FRMPD4: variants seen among roughly 807,000 people sequenced by gnomAD.
FRMPD4 encodes FERM and PDZ domain-containing protein 4.
Under a neutral mutation model 94.1 loss-of-function variants are expected in FRMPD4, and 22 were observed. The observed-to-expected ratio is 0.23, with a 90% confidence interval of 0.17 to 0.33. The LOEUF (loss-of-function observed/expected upper bound fraction) is 0.33, where lower values mean the gene tolerates loss of function less well. FRMPD4 is among the 10% of genes least tolerant of loss of function. The pLI, the probability that FRMPD4 is intolerant of heterozygous loss-of-function variation, is 1.00. For synonymous variants in FRMPD4, 631 were observed against 548.6 expected (o/e 1.15, Z -2.10); for missense variants, 1,111 against 1,339.9 (o/e 0.83, Z 2.67).
At chrX:12,285,279 G>A (rs1040743717) in intron 1 of FRMPD4, among the ~76,000 whole-genome samples, 1 of 111,750 alleles carries the variant, frequency 8.9e-6, no homozygotes, top group Non-Finnish European at 1.9e-5. Flanking sequence ...AACACCCATG[G>A]TTCCATCCTG....
intron 1 of FRMPD4, among the ~76,000 whole-genome samples, chrX:12,452,241 A>G (rs2057281252): frequency 8.9e-6 from 1 of 112,211 alleles, no homozygotes; most frequent in African/African-American, 3.2e-5. Context: ...TCATTCTCAA[A>G]TAGTAATGAT....
At chrX:12,019,622 C>A (rs1213426837) in intron 3 of FRMPD4, among the ~76,000 whole-genome samples, 1 of 110,436 alleles carries the variant, frequency 9.1e-6, no homozygotes, top group African/African-American at 3.3e-5. Context: ...TGGGTGAGAA[C>A]TCAACTGGAC....
rs1303299530 is a variant in FRMPD4, at chrX:12,189,207, C to A, written c.41+50195C>A. Reference sequence around the variant, plus strand: ...CAACAATTCCTTGAAACACAATCTGCCAAAACTCATACAAGAAAAAATAGA... The same window carrying A: ...CAACAATTCCTTGAAACACAATCTGACAAAACTCATACAAGAAAAAATAGA... On this transcript the variant is annotated intron_variant, in intron 1 of 16. Transcript: ENST00000675598. Among the ~76,000 whole-genome samples, 5 of 111,469 alleles carry A rather than the reference C, an allele frequency of 4.5e-5. No individual in the cohort carries two copies. In the South Asian group the frequency reaches 1.1e-3, roughly 25 times the overall value.
At chrX:12,339,896 T>G (rs1299423515) in intron 1 of FRMPD4, among the ~76,000 whole-genome samples, 1 of 112,544 alleles carries the variant, frequency 8.9e-6, no homozygotes, top group Admixed American at 9.3e-5. Flanking sequence ...ATTACAGGCG[T>G]AAGCCACTGC....
chrX:12,180,109 A>G (rs1487299144), intron 1 of FRMPD4, among the ~76,000 whole-genome samples: 1 of 111,335 alleles, frequency 9.0e-6, no homozygotes, highest in East Asian at 2.8e-4. Context: ...AGACTTCACT[A>G]TTCCTTAGTG....
At chrX:12,622,019 G>GA (rs1480326716) in intron 4 of FRMPD4, among the ~76,000 whole-genome samples, 80 of 22,509 alleles carry the variant, frequency 3.6e-3, no homozygotes, top group Middle Eastern at 0.016. Context: ...AGAAAGAAAG[G>GA]AAGGAAGGAA....
At chrX:11,977,230 A>T (rs1472906819) in intron 3 of FRMPD4, among the ~76,000 whole-genome samples, 1 of 112,139 alleles carries the variant, frequency 8.9e-6, no homozygotes, top group Non-Finnish European at 1.9e-5. Context: ...AATTATTCTG[A>T]TGTAGTCATT....
intron 7 of FRMPD4, among the ~76,000 whole-genome samples, chrX:12,689,373 T>C (rs2060059710): frequency 8.9e-6 from 1 of 111,852 alleles, no homozygotes; most frequent in African/African-American, 3.3e-5. Context: ...CCTCACTCTG[T>C]GCCAAACAAT....
chrX:12,412,354 C>T (rs193145180), intron 1 of FRMPD4, among the ~76,000 whole-genome samples: 2 of 112,049 alleles, frequency 1.8e-5, no homozygotes, highest in African/African-American at 6.5e-5. Context: ...CTTCTGTGGC[C>T]TCAATAAGTG....
intron 3 of FRMPD4, among the ~76,000 whole-genome samples, chrX:12,020,678 A>G (rs1011906882): frequency 1.8e-5 from 2 of 112,072 alleles, no homozygotes; most frequent in African/African-American, 6.5e-5. Flanking sequence ...GGAAAAGGAA[A>G]TTGCACGAGA....
At chrX:11,980,421 T>G (rs2054391225) in intron 3 of FRMPD4, among the ~76,000 whole-genome samples, 1 of 111,519 alleles carries the variant, frequency 9.0e-6, no homozygotes, top group Admixed American at 9.5e-5. Flanking sequence ...TTTGATCCAT[T>G]TTTGGTTTGT....
chrX:12,521,464 A>C (rs1283180711), intron 2 of FRMPD4, among the ~76,000 whole-genome samples: 1 of 112,118 alleles, frequency 8.9e-6, no homozygotes, highest in Non-Finnish European at 1.9e-5. Flanking sequence ...GGGATATACA[A>C]GATAATACGC....
chrX:12,121,200 C>T (rs1047300638), intron 3 of FRMPD4, among the ~76,000 whole-genome samples: 7 of 108,990 alleles, frequency 6.4e-5, no homozygotes, highest in African/African-American at 2.3e-4. Context: ...TTGGAGGCTA[C>T]GTGATGTGTG....
chrX:12,182,170 A>G (rs751457133), intron 1 of FRMPD4, among the ~76,000 whole-genome samples: 7 of 111,639 alleles, frequency 6.3e-5, no homozygotes, highest in Non-Finnish European at 1.3e-4. Context: ...CCTGAAGAAG[A>G]GAAAATGGAT....
chrX:12,425,788 A>G (rs2056938988), intron 1 of FRMPD4, among the ~76,000 whole-genome samples: 1 of 112,393 alleles, frequency 8.9e-6, no homozygotes, highest in African/African-American at 3.2e-5. Context: ...TACTCAATAC[A>G]GTCTTGATTG....
intron 3 of FRMPD4, among the ~76,000 whole-genome samples, chrX:11,886,030 A>AT (rs1394600023): frequency 9.0e-6 from 1 of 111,602 alleles, no homozygotes; most frequent in African/African-American, 3.3e-5. Flanking sequence ...GGCTGAGATG[A>AT]TTTTATGGCC....
intron 3 of FRMPD4, among the ~76,000 whole-genome samples, chrX:12,113,729 G>A (rs1346612287): frequency 2.7e-5 from 3 of 112,254 alleles, no homozygotes; most frequent in Non-Finnish European, 3.8e-5. Flanking sequence ...CTCAGGTTCT[G>A]GGGATTAGGA....
rs181855624 is a variant in FRMPD4, at chrX:12,410,386, C to T, written c.42-88294C>T. Among the ~76,000 whole-genome samples, 97 of 111,499 alleles carry T rather than the reference C, an allele frequency of 8.7e-4. 1 individual carries two copies. Among genetic ancestry groups the T allele is most frequent in the African/African-American group, 3.0e-3 (91 of 30,727 alleles). Reference sequence around the variant, plus strand: ...TTCTGAGCCTGGGGATGTTAAGATCCGTCTGTGTTGCTCTGTGTATTTCTA... The same window carrying T: ...TTCTGAGCCTGGGGATGTTAAGATCTGTCTGTGTTGCTCTGTGTATTTCTA... On this transcript the variant is annotated intron_variant, in intron 1 of 16. Coordinates refer to ENST00000675598, the MANE Select transcript of FRMPD4 (RefSeq NM_001368397.1).
Position 12,580,674 on chromosome X carries a change from A to G in FRMPD4, c.159-29047A>G, listed in dbSNP as rs1463411078. On this transcript the variant is annotated intron_variant, in intron 2 of 16. Transcript: ENST00000675598. ...AGGTGAGTGATATAGACGTTGTGGC[A>G]TAGCTTTAGGCTACTATTGATCTCC... 5.4e-5 allele frequency among the ~76,000 whole-genome samples: 6 copies of G among 111,741 alleles called. 1 individual carries two copies. The Admixed American group carries it at 5.7e-4, about 11-fold the overall frequency.
Sources: gnomAD v4.1 joint callset for allele counts (sites outside exome capture counted in the v4.1 genomes callset) on GRCh38, gnomAD v4.1.1 for gene constraint, MANE v1.5 for transcripts, NCBI Gene and HGNC (gene_info 2026-07-23, HGNC 2026-07-21) for gene names.